Variants in PSMD1 observed in about 807,000 individuals in gnomAD.
The protein encoded by PSMD1 is proteasome 26S subunit, non-ATPase 1.
PSMD1 carries 18 observed loss-of-function variants against 119.0 expected under a neutral mutation model. The ratio of observed to expected loss-of-function variants is 0.15; its 90% CI spans 0.10 to 0.22. The LOEUF is 0.22. PSMD1 is among the 10% of genes least tolerant of loss of function. The probability of loss-of-function intolerance (pLI) is 1.00; values close to 1 mark genes in which losing one functional copy is unlikely to be tolerated. For missense variants in PSMD1, 702 were observed against 1,158.5 expected (o/e 0.61, Z 5.72); for synonymous variants, 374 against 396.6 (o/e 0.94, Z 0.68).
At chr2:231,169,294 G>C (rs1466190294) in intron 23 of PSMD1, among the ~76,000 whole-genome samples, 2 of 152,232 alleles carry the variant, frequency 1.3e-5, no homozygotes, top group South Asian at 4.2e-4. Context: ...TCATGTGAAC[G>C]TGGATATTTT....
Position 231,163,704 on chromosome 2 carries a change from C to T in PSMD1, c.2458C>T (p.Pro820Ser). 1.2e-6 allele frequency: 2 copies of T among 1,610,772 alleles called. No individual in the cohort carries two copies. Among genetic ancestry groups the T allele is most frequent in the Non-Finnish European group, 1.7e-6 (2 of 1,177,418 alleles). ...TFAYPAPLEV[P>S]KEKEKEKVST... ...TGCATATCCTGCCCCTCTGGAAGTACCAAAAGAAAAAGAAAAGGAAAAGGT... is the reference window on the plus strand; with the variant it reads ...TGCATATCCTGCCCCTCTGGAAGTATCAAAAGAAAAAGAAAAGGAAAAGGT... Residue 820 changes from proline (P) to serine (S), a missense_variant, in exon 21 of 25, where the codon CCA (proline) becomes TCA (serine). Physicochemically the swap from Pro to Ser is moderately conservative, Grantham distance 74. Around this residue, in one of 9 missense-constraint regions of PSMD1, gnomAD observed 152 missense variants for 239.3 expected, o/e 0.64. Coordinates refer to ENST00000308696, the MANE Select transcript of PSMD1 (RefSeq NM_002807.4).
rs772461934 is a variant in PSMD1 at position 231,082,957 on chromosome 2, G to A, written c.1488G>A (p.Leu496=). The A allele has an allele frequency of 1.2e-5, 19 of 1,614,002 alleles. No homozygotes were observed. Among genetic ancestry groups the A allele is most frequent in the Non-Finnish European group, 1.5e-5 (18 of 1,179,898 alleles). The change falls in exon 13 of 25, where the codon TTG becomes TTA. Residue 496 remains leucine (L), a synonymous_variant. Transcript: ENST00000308696. ...CTGCACGTCAAGATGTTTATGATTTGCTAAAAACAAACCTTTATCAGGATG... is the reference window on the plus strand; with the variant it reads ...CTGCACGTCAAGATGTTTATGATTTACTAAAAACAAACCTTTATCAGGATG... The part of the protein sequence containing the change: ...MGTARQDVYD[L]LKTNLYQDDA...
intron 18 of PSMD1, 28 bp downstream of exon 18, chr2:231,146,384 G>T: frequency 1.3e-6 from 2 of 1,540,664 alleles, no homozygotes; most frequent in South Asian, 1.1e-5. Flanking sequence ...TTCCCTGGAA[G>T]AGAGATGGTT....
intron 16 of PSMD1, among the ~76,000 whole-genome samples, chr2:231,098,365 A>G (rs761125394): frequency 3.9e-5 from 6 of 152,010 alleles, no homozygotes; most frequent in Non-Finnish European, 8.8e-5. Context: ...TTTTCTCTTT[A>G]CTACTTCTAT....
intron 18 of PSMD1, among the ~76,000 whole-genome samples, chr2:231,147,337 A>G (rs912981161): frequency 6.6e-6 from 1 of 152,166 alleles, no homozygotes; most frequent in East Asian, 1.9e-4. Flanking sequence ...ACTACAAAGA[A>G]TTAAAAAGGA....
chr2:231,068,196 T>C (rs1335154415), intron 5 of PSMD1, among the ~76,000 whole-genome samples: 1 of 152,234 alleles, frequency 6.6e-6, no homozygotes, highest in Non-Finnish European at 1.5e-5. Flanking sequence ...ATAAGCTATA[T>C]CGGGACAGGT....
chr2:231,126,347 G>A (rs1031479038), intron 16 of PSMD1, among the ~76,000 whole-genome samples: 10 of 152,070 alleles, frequency 6.6e-5, no homozygotes, highest in African/African-American at 2.4e-4. Flanking sequence ...TGAGGCAGGA[G>A]GATTGCATGA....
chr2:231,157,725 C>T (rs528933937), intron 19 of PSMD1, among the ~76,000 whole-genome samples: 1 of 151,924 alleles, frequency 6.6e-6, no homozygotes, highest in Admixed American at 6.6e-5. Context: ...CACCGCCATG[C>T]CCGGCAAATT....
chr2:231,056,979 G>A lies in PSMD1; in HGVS notation c.-47G>A. The A allele has an allele frequency of 1.3e-6, 2 of 1,540,280 alleles. No homozygotes were observed. Among genetic ancestry groups the A allele is most frequent in the East Asian group, 2.5e-5 (1 of 39,996 alleles). On this transcript the variant is annotated 5_prime_UTR_variant, in exon 1 of 25. Transcript: ENST00000308696. ...GCCCCTGAGCTGACAGATACACTGC[G>A]CAGCTGGAACGGCGAGCGAGCCGAC...
intron 16 of PSMD1, among the ~76,000 whole-genome samples, chr2:231,098,374 A>C (rs1429820517): frequency 6.6e-6 from 1 of 151,042 alleles, no homozygotes. Context: ...TACTACTTCT[A>C]TCTCTCTCTC....
chr2:231,108,516 G>C, intron 16 of PSMD1: 2 of 1,610,580 alleles, frequency 1.2e-6, no homozygotes, highest in Non-Finnish European at 1.7e-6. Context: ...TGCCAGTTCT[G>C]CTATACATAA....
intron 4 of PSMD1, among the ~76,000 whole-genome samples, chr2:231,063,562 G>T (rs929725244): frequency 1.3e-5 from 2 of 152,212 alleles, no homozygotes; most frequent in Non-Finnish European, 1.5e-5. Context: ...GGGAAGTCCT[G>T]CACAAGGGGG....
chr2:231,080,777 A>G (rs1400513345), intron 12 of PSMD1, among the ~76,000 whole-genome samples: 2 of 152,188 alleles, frequency 1.3e-5, no homozygotes, highest in Admixed American at 6.5e-5. Context: ...ACTAACTTCT[A>G]TATTGGAGTG....
intron 18 of PSMD1, among the ~76,000 whole-genome samples, chr2:231,147,657 GAT>G (rs1696282978): frequency 1.3e-5 from 2 of 152,130 alleles, no homozygotes; most frequent in African/African-American, 4.8e-5. Flanking sequence ...AATTAGCATT[GAT>G]ATACTAAATA....
chr2:231,080,074 A>G, intron 11 of PSMD1, 67 bp from the exon 12 acceptor site: 1 of 1,415,868 alleles, frequency 7.1e-7, no homozygotes, highest in Non-Finnish European at 9.6e-7. Flanking sequence ...CAGTAATCAT[A>G]GAAAACATTG....
chr2:231,065,062 T>C (rs1693867860), intron 4 of PSMD1, among the ~76,000 whole-genome samples: 1 of 149,308 alleles, frequency 6.7e-6, no homozygotes, highest in Non-Finnish European at 1.5e-5. Context: ...CTTCAAGATA[T>C]AGACCCATTT....
intron 21 of PSMD1, 114 bp downstream of exon 21, chr2:231,163,841 C>T (rs1461554368): frequency 1.4e-6 from 1 of 736,490 alleles, no homozygotes; most frequent in Non-Finnish European, 2.2e-6. Flanking sequence ...CTTATGCTAA[C>T]ATTTGACATT....
chr2:231,124,857 T>G (rs1163573230), intron 16 of PSMD1: 1 of 152,230 alleles, frequency 6.6e-6, no homozygotes, highest in Non-Finnish European at 1.5e-5. Flanking sequence ...TAGTAAATTT[T>G]TCATTTTGAT....
intron 4 of PSMD1, among the ~76,000 whole-genome samples, chr2:231,064,220 A>G (rs1039743637): frequency 5.9e-5 from 9 of 152,200 alleles, no homozygotes; most frequent in African/African-American, 2.2e-4. Context: ...CACATTTTTT[A>G]AGATGTCAGT....
Sources: allele counts gnomAD v4.1 joint callset (sites outside exome capture counted in the v4.1 genomes callset), GRCh38; gene constraint gnomAD v4.1.1; regional missense constraint gnomAD v4.1.1; transcripts MANE v1.5; gene names NCBI Gene and HGNC (gene_info 2026-07-23, HGNC 2026-07-21).